CCDC150: variants seen among roughly 807,000 people sequenced by gnomAD.
CCDC150 encodes the protein coiled-coil domain containing 150.
In CCDC150, 151 loss-of-function variants were observed where a neutral mutation model predicts 156.5. That is an observed-to-expected ratio of 0.97 (90% CI 0.85 to 1.10). CCDC150 has a LOEUF of 1.10. CCDC150 is among the 50% of genes least tolerant of loss of function. CCDC150 has a pLI of 0.00. For synonymous variants in CCDC150, 452 were observed against 429.4 expected (o/e 1.05, Z -0.65); for missense variants, 1,312 against 1,268.1 (o/e 1.03, Z -0.53).
At chr2:196,669,799 T>TGTGGA (rs1694085863) in intron 7 of CCDC150, 34 bp from the exon 8 acceptor site, 1 of 1,432,236 alleles carries the variant, frequency 7.0e-7, no homozygotes, top group Admixed American at 1.8e-5. Context: ...AGCAAGTTAC[T>TGTGGA]ATTATCATAG....
At chr2:196,709,958 A>G (rs547503294) in intron 15 of CCDC150, among the ~76,000 whole-genome samples, 1 of 152,320 alleles carries the variant, frequency 6.6e-6, no homozygotes, top group East Asian at 1.9e-4. Flanking sequence ...GTTAGACTAC[A>G]TGGGGGTCAG....
intron 8 of CCDC150, among the ~76,000 whole-genome samples, chr2:196,671,133 A>G (rs1334054349): frequency 2.6e-5 from 4 of 152,196 alleles, no homozygotes; most frequent in Non-Finnish European, 4.4e-5. Context: ...AGAAATGTAT[A>G]ATGACATATA....
intron 1 of CCDC150, among the ~76,000 whole-genome samples, chr2:196,645,366 A>G (rs946252208): frequency 1.3e-5 from 2 of 152,192 alleles, no homozygotes; most frequent in Non-Finnish European, 2.9e-5. Flanking sequence ...CCAGGAAGGT[A>G]AGGGTCAGGG....
chr2:196,712,694 T>G lies in CCDC150; in HGVS notation c.1821T>G (p.Ser607Arg). ...AATTAAAGGCAAACTCAGAACTCAG[T>G]GCCAAGAGGGTACACCTGCAGCAGG... Reference protein sequence around the residue: ...TKYAQANSELSAKRVHLQQAD... With the variant: ...TKYAQANSELRAKRVHLQQAD... Residue 607 changes from serine (S) to arginine (R), a missense_variant, in exon 17 of 28, where the codon AGT (serine) becomes AGG (arginine). Coordinates refer to ENST00000389175, the MANE Select transcript of CCDC150 (RefSeq NM_001080539.2). 6.2e-7 allele frequency: 1 copy of G among 1,610,760 alleles called. No individual in the cohort carries two copies.
At chr2:196,660,866 G>T (rs181815382) in intron 5 of CCDC150, among the ~76,000 whole-genome samples, 1 of 152,060 alleles carries the variant, frequency 6.6e-6, no homozygotes, top group East Asian at 1.9e-4. Flanking sequence ...CTAAAAAGTC[G>T]ACAAACCCAA....
At chr2:196,654,431 T>C (rs565005668) in intron 2 of CCDC150, among the ~76,000 whole-genome samples, 59 of 152,228 alleles carry the variant, frequency 3.9e-4, no homozygotes, top group African/African-American at 1.4e-3. Context: ...TCTTCACTCC[T>C]TTTCATTTTT....
intron 19 of CCDC150, 143 bp downstream of exon 19, chr2:196,719,809 T>G: frequency 1.9e-6 from 1 of 525,938 alleles, no homozygotes; most frequent in Non-Finnish European, 3.1e-6. Context: ...AATTCCTAAG[T>G]TAGAGAAAAT....
chr2:196,656,008 A>G (rs1052714099), intron 2 of CCDC150, among the ~76,000 whole-genome samples: 4 of 152,134 alleles, frequency 2.6e-5, no homozygotes, highest in African/African-American at 9.7e-5. Flanking sequence ...GACAGAGTAC[A>G]TTGGCAACCC....
chr2:196,660,696 G>A (rs1001545202), intron 5 of CCDC150, among the ~76,000 whole-genome samples: 1 of 152,014 alleles, frequency 6.6e-6, no homozygotes, highest in Non-Finnish European at 1.5e-5. Context: ...TGTATATTTT[G>A]GATACCAGTC....
At chr2:196,668,530 A>T (rs1266342247) in intron 7 of CCDC150, among the ~76,000 whole-genome samples, 2 of 152,200 alleles carry the variant, frequency 1.3e-5, no homozygotes, top group Non-Finnish European at 2.9e-5. Flanking sequence ...TCAAACTGAC[A>T]TGAGGAAAAG....
intron 13 of CCDC150, among the ~76,000 whole-genome samples, chr2:196,691,840 C>T (rs1695499390): frequency 6.6e-6 from 1 of 152,070 alleles, no homozygotes; most frequent in Non-Finnish European, 1.5e-5. Context: ...ACTCGGGAGA[C>T]TGAGGAAGAA....
At chr2:196,720,063 C>G in intron 19 of CCDC150, 1 of 374,942 alleles carries the variant, frequency 2.7e-6, no homozygotes. Flanking sequence ...TATCCTGTTT[C>G]AAGATTAATA....
intron 4 of CCDC150, chr2:196,657,498 A>G (rs1693284770): frequency 4.8e-6 from 1 of 208,100 alleles, no homozygotes; most frequent in South Asian, 8.4e-5. Flanking sequence ...ATGTTACAGA[A>G]TAGGATAGGA....
chr2:196,719,930 GT>G (rs1697780275), intron 19 of CCDC150, among the ~76,000 whole-genome samples: 1 of 152,082 alleles, frequency 6.6e-6, no homozygotes, highest in Non-Finnish European at 1.5e-5. Context: ...CTGTACTGTT[GT>G]TTTACCCTTG....
At chr2:196,728,056 A>G (rs1243154425) in intron 22 of CCDC150, 5 of 151,324 alleles carry the variant, frequency 3.3e-5, no homozygotes, top group Non-Finnish European at 5.9e-5. Flanking sequence ...AAATGAAATC[A>G]TTTGAAGAAG....
At chr2:196,675,874 T>C (rs1694464759) in intron 10 of CCDC150, among the ~76,000 whole-genome samples, 1 of 152,200 alleles carries the variant, frequency 6.6e-6, no homozygotes, top group South Asian at 2.1e-4. Context: ...TTGTTGGTAT[T>C]AGGAGTTTTA....
intron 14 of CCDC150, among the ~76,000 whole-genome samples, chr2:196,697,047 T>C (rs1215643169): frequency 6.6e-6 from 1 of 152,208 alleles, no homozygotes; most frequent in Non-Finnish European, 1.5e-5. Flanking sequence ...TCAGAATAAT[T>C]ACTACATTGA....
In CCDC150 at chr2:196,693,805, G is replaced by A. The variant is rs182705904; in HGVS notation, c.1510-1241G>A. On this transcript the variant is annotated intron_variant, in intron 13 of 27. Coordinates refer to ENST00000389175, the MANE Select transcript of CCDC150 (RefSeq NM_001080539.2). The stretch of plus-strand genomic sequence containing the variant: ...ATACATTTTTTAATCAACTAGAGGT[G>A]GTTCCCTTTCATTTCTGGTTTGCTG... Among the ~76,000 whole-genome samples, 352 of 151,940 alleles carry A rather than the reference G, an allele frequency of 2.3e-3. 1 individual carries two copies. The highest frequency in any genetic ancestry group is 3.9e-3 in the Non-Finnish European group (267 of 67,958).
chr2:196,659,562 A>G (rs1693430256), intron 5 of CCDC150, among the ~76,000 whole-genome samples: 1 of 152,212 alleles, frequency 6.6e-6, no homozygotes. Context: ...GGTGGTAAGC[A>G]TAGGTATTTG....
Sources: allele counts gnomAD v4.1 joint callset (sites outside exome capture counted in the v4.1 genomes callset), GRCh38; gene constraint gnomAD v4.1.1; transcripts MANE v1.5; gene names NCBI Gene and HGNC (gene_info 2026-07-23, HGNC 2026-07-21).